PCNX1: variants seen among roughly 807,000 people sequenced by gnomAD.
PCNX1 encodes pecanex 1, also known as pecanex-like protein 1.
A neutral mutation model predicts 242.2 loss-of-function variants in PCNX1; 78 were observed. That is an observed-to-expected ratio of 0.32 (90% CI 0.27 to 0.39). The LOEUF (loss-of-function observed/expected upper bound fraction) is 0.39. PCNX1 is among the 10% of genes least tolerant of loss of function. The pLI is 1.00. For missense variants in PCNX1, 2,581 were observed against 2,856.5 expected, an observed-to-expected ratio of 0.90 and a Z score of 2.20; for synonymous variants, 1,024 against 1,032.9, an observed-to-expected ratio of 0.99 and a Z score of 0.17.
intron 10 of PCNX1, 136 bp from the exon 11 acceptor site, chr14:71,012,838 AGTGTATGAGAG>A: frequency 6.5e-6 from 4 of 613,932 alleles, no homozygotes; most frequent in Middle Eastern, 4.4e-4. Flanking sequence ...AAAAAAAAAA[AGTGTATGAGAG>A]AAGAAAATTA....
At chr14:71,103,712 A>G in intron 32 of PCNX1, 43 bp downstream of exon 32, 3 of 1,591,784 alleles carry the variant, frequency 1.9e-6, no homozygotes, top group Non-Finnish European at 2.6e-6. Context: ...TGTATTCCTG[A>G]CCCTCTTAAT....
At chr14:71,109,724 G>T in intron 35 of PCNX1, 71 bp from the exon 36 acceptor site, 1 of 1,572,854 alleles carries the variant, frequency 6.4e-7, no homozygotes, top group Non-Finnish European at 8.7e-7. Flanking sequence ...CTAATCCTAG[G>T]TAGGGGTAAG....
At chr14:71,017,748 C>A (rs1420644032) in intron 11 of PCNX1, among the ~76,000 whole-genome samples, 2 of 152,120 alleles carry the variant, frequency 1.3e-5, no homozygotes, top group African/African-American at 4.8e-5. Context: ...GAAAAGAGGT[C>A]ATTGGATTTA....
At chr14:70,962,555 A>G (rs1295950077) in intron 3 of PCNX1, among the ~76,000 whole-genome samples, 1 of 152,198 alleles carries the variant, frequency 6.6e-6, no homozygotes, top group Non-Finnish European at 1.5e-5. Context: ...TTGGGTGTAT[A>G]GTTTTGATTA....
intron 22 of PCNX1, among the ~76,000 whole-genome samples, chr14:71,049,590 G>GCAA (rs2060964177): frequency 6.6e-6 from 1 of 152,086 alleles, no homozygotes; most frequent in Non-Finnish European, 1.5e-5. Flanking sequence ...TTGCTTTTAA[G>GCAA]TCATTATAAT....
chr14:71,068,598 G>T (rs1016982660), intron 26 of PCNX1, among the ~76,000 whole-genome samples: 1 of 142,852 alleles, frequency 7.0e-6, no homozygotes, highest in Non-Finnish European at 1.5e-5. Context: ...GTGCGTGTGT[G>T]TGTGTGTGTG....
intron 7 of PCNX1, among the ~76,000 whole-genome samples, chr14:70,992,085 C>T (rs543548363): frequency 5.9e-5 from 9 of 151,878 alleles, no homozygotes; most frequent in East Asian, 1.9e-4. Context: ...AAAAATTGTG[C>T]GCTTTATAGG....
At chr14:70,961,748 G>T (rs1035799510) in intron 2 of PCNX1, among the ~76,000 whole-genome samples, 1 of 152,152 alleles carries the variant, frequency 6.6e-6, no homozygotes, top group African/African-American at 2.4e-5. Context: ...TGACCAGGGC[G>T]ACTGTTCTCT....
At chr14:71,058,185 T>C (rs898053473) in intron 26 of PCNX1, among the ~76,000 whole-genome samples, 5 of 152,190 alleles carry the variant, frequency 3.3e-5, no homozygotes, top group African/African-American at 4.8e-5. Context: ...AAAATTGATA[T>C]TTAGAGCAAA....
chr14:71,031,776 T>C (rs1595308643), intron 16 of PCNX1: 1 of 1,428,750 alleles, frequency 7.0e-7, no homozygotes, highest in East Asian at 2.3e-5. Context: ...TCTCAGCCTC[T>C]TCCTACCAGT....
At chr14:71,068,098 G>A (rs1175737701) in intron 26 of PCNX1, among the ~76,000 whole-genome samples, 1 of 151,956 alleles carries the variant, frequency 6.6e-6, no homozygotes, top group Non-Finnish European at 1.5e-5. Context: ...AGGCCTAGGC[G>A]GGTGGATCAT....
chr14:70,951,977 T>A (rs1297838625), intron 2 of PCNX1, among the ~76,000 whole-genome samples: 4 of 152,202 alleles, frequency 2.6e-5, no homozygotes. Flanking sequence ...TCGTACATTG[T>A]GGATAAGTGG....
intron 26 of PCNX1, among the ~76,000 whole-genome samples, chr14:71,073,083 C>T (rs540136941): frequency 2.6e-5 from 4 of 152,280 alleles, no homozygotes; most frequent in Middle Eastern, 3.4e-3. Flanking sequence ...GCAGGCAGAT[C>T]GCAAGGTCTG....
At chr14:70,988,284 A>G (rs912873702) in intron 6 of PCNX1, among the ~76,000 whole-genome samples, 4 of 152,244 alleles carry the variant, frequency 2.6e-5, no homozygotes, top group Non-Finnish European at 4.4e-5. Flanking sequence ...AGATTTAAAC[A>G]ACAGAGATCT....
rs538513852 is a variant in PCNX1 at position 71,042,486 on chromosome 14, G to A, written c.3868-2647G>A. ...TTTTGTCTGATACAAGTATAGCTCC[G>A]CCAGCATGCTTTTGGTTTCTGTATG... On this transcript the variant is annotated intron_variant, in intron 19 of 35. Coordinates refer to ENST00000304743, the MANE Select transcript of PCNX1 (RefSeq NM_014982.3). 8.1e-4 allele frequency among the ~76,000 whole-genome samples: 123 copies of A among 151,632 alleles called. 1 individual carries two copies. Among genetic ancestry groups the A allele is most frequent in the African/African-American group, 2.8e-3 (115 of 41,332 alleles).
chr14:71,086,722 T>G (rs1010234174), intron 28 of PCNX1, among the ~76,000 whole-genome samples: 1 of 152,220 alleles, frequency 6.6e-6, no homozygotes, highest in Non-Finnish European at 1.5e-5. Context: ...TCAGTAGCTC[T>G]CTCTAGCACT....
intron 23 of PCNX1, among the ~76,000 whole-genome samples, chr14:71,051,472 T>A (rs2061033950): frequency 6.6e-6 from 1 of 152,090 alleles, no homozygotes; most frequent in Non-Finnish European, 1.5e-5. Flanking sequence ...CTGTAAAAAA[T>A]TTTCTACTCC....
At chr14:71,051,223 A>G (rs948587378) in intron 23 of PCNX1, among the ~76,000 whole-genome samples, 2 of 149,736 alleles carry the variant, frequency 1.3e-5, no homozygotes, top group African/African-American at 4.9e-5. Flanking sequence ...ATCCACACCT[A>G]TATTGTTGAT....
intron 6 of PCNX1, among the ~76,000 whole-genome samples, chr14:70,983,407 C>T (rs1475902211): frequency 2.0e-5 from 3 of 152,006 alleles, no homozygotes; most frequent in African/African-American, 7.2e-5. Context: ...CAGGTTCAAG[C>T]GATTCTCCTG....
Sources: gnomAD v4.1 joint callset for allele counts (sites outside exome capture counted in the v4.1 genomes callset) on GRCh38, gnomAD v4.1.1 for gene constraint, MANE v1.5 for transcripts, NCBI Gene and HGNC (gene_info 2026-07-23, HGNC 2026-07-21) for gene names.